Variants in NTRK1 observed in about 807,000 individuals in gnomAD.
The protein encoded by NTRK1 is neurotrophic receptor tyrosine kinase 1, also known as high affinity nerve growth factor receptor.
In NTRK1, 62 loss-of-function variants were observed where a neutral mutation model predicts 86.8. The observed-to-expected ratio is 0.71, with a 90% CI of 0.58 to 0.88. The LOEUF (loss-of-function observed/expected upper bound fraction) is 0.88. Among genes scored for constraint, NTRK1 ranks in the 40% least tolerant of loss-of-function variants. The probability of loss-of-function intolerance (pLI) is 0.00; values close to 1 mark genes in which losing one functional copy is unlikely to be tolerated. For missense variants in NTRK1, 967 were observed against 1,078.4 expected, an observed-to-expected ratio of 0.90 and a Z score of 1.45; for synonymous variants, 469 against 456.6, an observed-to-expected ratio of 1.03 and a Z score of -0.35.
Position 156,854,163 on chromosome 1 carries a change from G to A in NTRK1, c.51-10191G>A. 6.2e-7 allele frequency: 1 copy of A among 1,614,160 alleles called. No homozygotes were observed. The highest frequency in any genetic ancestry group is 8.5e-7 in the Non-Finnish European group (1 of 1,180,048). ...AGCAGGTAGTCGGTGACCTGGGTGA[G>A]GCGAGGGAAGCTGAGGCCGCGGAAG... On this transcript the variant is annotated intron_variant, in intron 2 of 16. Coordinates refer to the NTRK1 transcript ENST00000392302. This position sits in a 1 kb window ranked among gnomAD's most constrained non-coding sequence, Gnocchi z 4.2.
At chr1:156,862,440 G>A (rs1303475479) in intron 1 of NTRK1, among the ~76,000 whole-genome samples, 1 of 152,126 alleles carries the variant, frequency 6.6e-6, no homozygotes, top group East Asian at 1.9e-4. Flanking sequence ...ATCAGGGCTC[G>A]TGTTTCCCAA....
chr1:156,875,633 A>C lies in NTRK1; in HGVS notation c.1468A>C (p.Ile490Leu), dbSNP rs1280902177. Reference protein sequence around the residue: ...EGKGSGLQGHIIENPQYFSDA... With the variant: ...EGKGSGLQGHLIENPQYFSDA... ...CAAAGGCTCTGGGCTCCAAGGCCAC[A>C]TCATCGAGAACCCACAATACTTCAG... Residue 490 changes from isoleucine to leucine, a missense_variant, in exon 12 of 17, where the codon ATC (isoleucine) becomes CTC (leucine). Ile to Leu is a conservative substitution (Grantham distance 5). Coordinates refer to ENST00000524377, the MANE Select transcript of NTRK1 (RefSeq NM_002529.4). 6.2e-7 allele frequency: 1 copy of C among 1,613,444 alleles called. No homozygotes were observed. The highest frequency in any genetic ancestry group is 1.7e-5 in the Admixed American group (1 of 59,992).
intron 1 of NTRK1, among the ~76,000 whole-genome samples, chr1:156,839,028 C>A (rs1654671308): frequency 6.6e-6 from 1 of 152,254 alleles, no homozygotes; most frequent in Non-Finnish European, 1.5e-5. Context: ...GAAGCCCAAA[C>A]TCCCCAACTT....
chr1:156,837,725 G>A (rs1344704813), intron 1 of NTRK1: 1 of 152,206 alleles, frequency 6.6e-6, no homozygotes, highest in East Asian at 1.9e-4. Flanking sequence ...CTTGTTCTTA[G>A]CCCTCAACAG....
intron 1 of NTRK1, chr1:156,841,322 G>C (rs925717466): frequency 7.4e-7 from 1 of 1,354,924 alleles, no homozygotes; most frequent in African/African-American, 1.5e-5. Flanking sequence ...AGGTGAGCCA[G>C]AATCATGGGG....
At chr1:156,858,662 C>G, upstream of NTRK1, 1 of 1,561,950 alleles carries the variant, frequency 6.4e-7, no homozygotes, top group Admixed American at 1.7e-5. Context: ...GCTCTCCTCC[C>G]GGTGACTCTG....
intron 2 of NTRK1, chr1:156,845,444 C>T: frequency 6.5e-7 from 1 of 1,530,694 alleles, no homozygotes; most frequent in Non-Finnish European, 8.8e-7. Flanking sequence ...CCTATCAGGC[C>T]TGTCCGGATG....
upstream of NTRK1, among the ~76,000 whole-genome samples, chr1:156,857,176 TG>T (rs1655437777): frequency 9.1e-6 from 1 of 109,346 alleles, no homozygotes; most frequent in Non-Finnish European, 1.9e-5. Flanking sequence ...TGTGTGTGTG[TG>T]TGTGTGTGTG....
intron 1 of NTRK1, 36 bp downstream of exon 1, chr1:156,861,182 C>A (rs1456342553): frequency 6.5e-7 from 1 of 1,534,192 alleles, no homozygotes; most frequent in Middle Eastern, 2.1e-4. Context: ...GGCGCGGGGA[C>A]AGGCAGGCAT....
chr1:156,834,197 A>G lies in NTRK1; in HGVS notation c.-63-7884A>G, dbSNP rs893379895. 2.6e-5 allele frequency among the ~76,000 whole-genome samples: 4 copies of G among 152,126 alleles called. 1 individual carries two copies. Among genetic ancestry groups the G allele is most frequent in the African/African-American group, 4.8e-5 (2 of 41,422 alleles). Reference sequence around the variant, plus strand: ...AGAGATCAGAAAGGGCATCACGGGGAAGCCACAGAGACCAAGGATGCAGAG... The same window carrying G: ...AGAGATCAGAAAGGGCATCACGGGGGAGCCACAGAGACCAAGGATGCAGAG... On this transcript the variant is annotated intron_variant, in intron 1 of 16. Coordinates refer to the NTRK1 transcript ENST00000392302.
intron 1 of NTRK1, among the ~76,000 whole-genome samples, chr1:156,834,724 A>C (rs1654553750): frequency 6.8e-6 from 1 of 146,424 alleles, no homozygotes; most frequent in Non-Finnish European, 1.5e-5. Flanking sequence ...CCCTGTTTCA[A>C]GAAGAAAAAA....
At chr1:156,865,103 A>G (rs965250570) in intron 3 of NTRK1, 2 of 433,906 alleles carry the variant, frequency 4.6e-6, no homozygotes, top group Non-Finnish European at 8.6e-6. Flanking sequence ...AAAGGGAGCA[A>G]GCGGCAGGAG....
At chr1:156,832,326 GA>G in intron 1 of NTRK1, among the ~76,000 whole-genome samples, 1 of 152,298 alleles carries the variant, frequency 6.6e-6, no homozygotes, top group East Asian at 1.9e-4. Context: ...AATGAGACAT[GA>G]GGGCAAGAAA....
chr1:156,841,856 C>A (rs1654801244), intron 1 of NTRK1: 2 of 1,612,824 alleles, frequency 1.2e-6, no homozygotes, highest in South Asian at 2.2e-5. Context: ...CTAGCTCCTG[C>A]CCCTGGGATA....
chr1:156,844,383 C>CG, intron 2 of NTRK1: 1 of 1,489,026 alleles, frequency 6.7e-7, no homozygotes, highest in Non-Finnish European at 9.2e-7. Context: ...GGGAGGGATG[C>CG]GGGGGAGGGG....
At position 156,871,684 on chromosome 1, in the gene NTRK1, G is replaced by A. The variant is rs1269456924; in HGVS notation, c.779G>A (p.Arg260Lys). 1 of 1,614,082 alleles carries A rather than the reference G, an allele frequency of 6.2e-7. No homozygotes were observed. The highest frequency in any genetic ancestry group is 1.3e-5 in the African/African-American group (1 of 74,920). ...TLANVTSDLN[R>K]KNVTCWAEND... Reference sequence around the variant, plus strand: ...GCCAATGTCACCAGTGACCTCAACAGGAAGAACGTGACGTGCTGGGCAGAG... The same window carrying A: ...GCCAATGTCACCAGTGACCTCAACAAGAAGAACGTGACGTGCTGGGCAGAG... The change falls in exon 7 of 17, where the codon AGG (arginine) becomes AAG (lysine). Residue 260 changes from arginine (R) to lysine (K), a missense_variant. By Grantham distance (26) the Arg-to-Lys change is conservative. Coordinates refer to ENST00000524377, the MANE Select transcript of NTRK1 (RefSeq NM_002529.4).
upstream of NTRK1, among the ~76,000 whole-genome samples, chr1:156,856,482 A>G (rs1655408205): frequency 6.6e-6 from 1 of 152,182 alleles, no homozygotes; most frequent in Non-Finnish European, 1.5e-5. Flanking sequence ...TAGGGTGTAG[A>G]TAAACCATTC....
chr1:156,879,323 T>G lies in NTRK1; in HGVS notation c.2007T>G (p.Phe669Leu). 1 of 1,611,780 alleles carries G rather than the reference T, an allele frequency of 6.2e-7. No homozygotes were observed. Among genetic ancestry groups the G allele is most frequent in the Non-Finnish European group, 8.5e-7 (1 of 1,180,012 alleles). ...GACTGGTGGTCAAGATTGGTGATTT[T>G]GGCATGAGCAGGGATATCTACAGCA... is the stretch of plus-strand genomic sequence containing the variant. ...GQGLVVKIGD[F>L]GMSRDIYSTD... The change falls in exon 15 of 17, where the codon TTT becomes TTG. Residue 669 changes from phenylalanine (F) to leucine (L), a missense_variant. This residue lies in a region of NTRK1 where 637 missense variants were observed against 776.5 expected (regional missense o/e 0.82). Transcript: ENST00000524377.
intron 10 of NTRK1, 64 bp downstream of exon 10, chr1:156,874,690 G>T (rs1368458412): frequency 2.0e-6 from 3 of 1,513,762 alleles, no homozygotes; most frequent in Non-Finnish European, 2.7e-6. Context: ...AGGCTCATCT[G>T]CATGTCATTT....
Sources: allele counts gnomAD v4.1 joint callset (sites outside exome capture counted in the v4.1 genomes callset), GRCh38; gene constraint gnomAD v4.1.1; regional missense constraint gnomAD v4.1.1; non-coding constraint Gnocchi (gnomAD v3.1); transcripts MANE v1.5; gene names NCBI Gene and HGNC (gene_info 2026-07-23, HGNC 2026-07-21).